The following RIMBP2 variants were observed in gnomAD, a reference collection of about 807,000 sequenced individuals.
RIMBP2 encodes RIMS-binding protein 2.
In RIMBP2, 48 loss-of-function variants were observed where a neutral mutation model predicts 118.6. That is an observed-to-expected ratio of 0.40 (90% CI 0.32 to 0.51). RIMBP2 has a LOEUF of 0.51. RIMBP2 is among the 20% of genes least tolerant of loss of function. The probability of loss-of-function intolerance (pLI) is 0.41; values close to 1 mark genes in which losing one functional copy is unlikely to be tolerated. For synonymous variants in RIMBP2, 762 were observed against 742.9 expected (o/e 1.03, Z -0.42); for missense variants, 1,551 against 1,768.3 (o/e 0.88, Z 2.20).
Position 130,445,223 on chromosome 12 carries a change from G to C in RIMBP2, c.628C>G (p.Pro210Ala), listed in dbSNP as rs370238553. 5 of 1,613,368 alleles carry C rather than the reference G, an allele frequency of 3.1e-6. No homozygotes were observed. Among genetic ancestry groups the C allele is most frequent in the Admixed American group, 1.7e-5 (1 of 59,776 alleles). The change falls in exon 10 of 23, where the codon CCC (proline) becomes GCC (alanine). Residue 210 changes from proline to alanine, a missense_variant. Around this residue, in one of 5 missense-constraint regions of RIMBP2, gnomAD observed 265 missense variants for 349.5 expected, o/e 0.76. Transcript: ENST00000690449. The stretch of plus-strand genomic sequence containing the variant: ...TAGAGGTATTTTCCCGCCGTGAGGG[G>C]CAGCTCAGCTTCGGGGTTCTCGTTC... ...GPNENPEAEL[P>A]LTAGKYLYVY...
intron 2 of RIMBP2, among the ~76,000 whole-genome samples, chr12:130,566,886 T>A (rs1417061901): frequency 1.3e-5 from 2 of 152,200 alleles, no homozygotes; most frequent in African/African-American, 4.8e-5. Context: ...TAGGGCTGCA[T>A]TAAGGGATTA....
intron 1 of RIMBP2, among the ~76,000 whole-genome samples, chr12:130,655,374 G>A (rs1214471166): frequency 6.6e-6 from 1 of 152,176 alleles, no homozygotes; most frequent in Non-Finnish European, 1.5e-5. Context: ...CTTGCCTGAT[G>A]CATTGTAACT....
At chr12:130,553,716 C>T (rs1236992964) in intron 2 of RIMBP2, among the ~76,000 whole-genome samples, 1 of 152,146 alleles carries the variant, frequency 6.6e-6, no homozygotes, top group Non-Finnish European at 1.5e-5. Flanking sequence ...TGCACTCCAG[C>T]CCGGACAACT....
rs775469888 is a variant in RIMBP2, at chr12:130,438,388, C to T, written c.1633G>A (p.Gly545Ser). The change falls in exon 12 of 23, where the codon GGC becomes AGC. Residue 545 changes from glycine (G) to serine (S), a missense_variant. Transcript: ENST00000690449. ...ACCCTCTGCCCTTTGGCATACACGC[C>T]GTAGCCGGTAACGTTTGCGCCATTG... ...LSNGANVTGY[G>S]VYAKGQRVAE... The T allele has an allele frequency of 8.1e-6, 13 of 1,613,012 alleles. No homozygotes were observed. Among genetic ancestry groups the T allele is most frequent in the East Asian group, 2.2e-5 (1 of 44,762 alleles).
intron 1 of RIMBP2, among the ~76,000 whole-genome samples, chr12:130,638,268 T>A (rs1449270806): frequency 6.6e-6 from 1 of 152,230 alleles, no homozygotes; most frequent in Non-Finnish European, 1.5e-5. Context: ...GAATGAATGA[T>A]ATATCCAGAT....
intron 2 of RIMBP2, among the ~76,000 whole-genome samples, chr12:130,552,199 T>C (rs989441169): frequency 6.6e-6 from 1 of 152,200 alleles, no homozygotes; most frequent in Non-Finnish European, 1.5e-5. Context: ...GGAGAAATCA[T>C]GAAATTCACA....
chr12:130,401,103 A>ATGT (rs2074500511), intron 21 of RIMBP2, among the ~76,000 whole-genome samples: 2 of 151,984 alleles, frequency 1.3e-5, no homozygotes, highest in African/African-American at 4.8e-5. Context: ...TATATACTTA[A>ATGT]AAATGATTTT....
At chr12:130,682,670 T>C (rs1483206391) in intron 1 of RIMBP2, among the ~76,000 whole-genome samples, 5 of 152,202 alleles carry the variant, frequency 3.3e-5, no homozygotes, top group African/African-American at 1.2e-4. Flanking sequence ...GGGCAGACGA[T>C]CGATTTCCTT....
chr12:130,706,104 A>G (rs1441595156), intron 1 of RIMBP2, among the ~76,000 whole-genome samples: 1 of 152,224 alleles, frequency 6.6e-6, no homozygotes, highest in African/African-American at 2.4e-5. Context: ...TAATAATAAT[A>G]GCAGGAATCG....
chr12:130,642,093 C>T (rs1175962551), intron 1 of RIMBP2, among the ~76,000 whole-genome samples: 2 of 152,078 alleles, frequency 1.3e-5, no homozygotes, highest in African/African-American at 4.8e-5. Context: ...ACCACTGTAC[C>T]CCCAGCTTCC....
chr12:130,636,828 C>G (rs991357471), intron 1 of RIMBP2, among the ~76,000 whole-genome samples: 6 of 152,286 alleles, frequency 3.9e-5, no homozygotes, highest in African/African-American at 1.4e-4. Context: ...AGCTGGATAC[C>G]TACAGCTGGG....
At chr12:130,401,939 T>C (rs1458428819) in intron 21 of RIMBP2, among the ~76,000 whole-genome samples, 1 of 152,038 alleles carries the variant, frequency 6.6e-6, no homozygotes, top group Non-Finnish European at 1.5e-5. Flanking sequence ...ACAAGAGGCG[T>C]GTGTACCCCA....
At chr12:130,665,507 C>T (rs1353307003) in intron 1 of RIMBP2, among the ~76,000 whole-genome samples, 1 of 151,534 alleles carries the variant, frequency 6.6e-6, no homozygotes, top group Non-Finnish European at 1.5e-5. Flanking sequence ...GATCACGCCA[C>T]TGCACTCCAG....
At chr12:130,517,773 C>A in intron 3 of RIMBP2, 55 bp downstream of exon 3, 1 of 770,914 alleles carries the variant, frequency 1.3e-6, no homozygotes, top group Non-Finnish European at 1.6e-6. Flanking sequence ...TCCTCCCTGG[C>A]CCAGCCCGCT....
At chr12:130,412,490 C>T (rs117162318) in intron 19 of RIMBP2, 129 bp downstream of exon 19, 34,760 of 883,970 alleles carry the variant, frequency 0.039, 913 homozygotes, top group Non-Finnish European at 0.048. Context: ...CACTGGTCAA[C>T]ATTTACATGA....
At chr12:130,619,772 C>T (rs547712873) in intron 2 of RIMBP2, among the ~76,000 whole-genome samples, 4 of 152,250 alleles carry the variant, frequency 2.6e-5, no homozygotes, top group African/African-American at 4.8e-5. Flanking sequence ...TTGTTTGCAC[C>T]GGGGAGCTGG....
intron 5 of RIMBP2, among the ~76,000 whole-genome samples, chr12:130,476,742 C>G (rs1489890325): frequency 6.6e-6 from 1 of 152,216 alleles, no homozygotes; most frequent in Admixed American, 6.5e-5. Context: ...TCACCCCTTG[C>G]CATCATCTGG....
chr12:130,612,664 C>T (rs903885325), intron 2 of RIMBP2, among the ~76,000 whole-genome samples: 5 of 152,174 alleles, frequency 3.3e-5, no homozygotes, highest in South Asian at 2.1e-4. Flanking sequence ...AAATGCAAAA[C>T]GGGAGAAACC....
At chr12:130,560,003 T>C (rs1366579061) in intron 2 of RIMBP2, among the ~76,000 whole-genome samples, 1 of 152,156 alleles carries the variant, frequency 6.6e-6, no homozygotes, top group African/African-American at 2.4e-5. Context: ...AAACTGAGAA[T>C]GGGAGCAGGG....
Sources: gnomAD v4.1 joint callset for allele counts (sites outside exome capture counted in the v4.1 genomes callset) on GRCh38, gnomAD v4.1.1 for gene constraint, gnomAD v4.1.1 regional missense constraint, MANE v1.5 for transcripts, NCBI Gene and HGNC (gene_info 2026-07-23, HGNC 2026-07-21) for gene names.